Variants in SEMA3D observed in about 807,000 individuals in gnomAD.
SEMA3D encodes the protein semaphorin-3D.
SEMA3D carries 84 observed loss-of-function variants against 100.1 expected under a neutral mutation model. The ratio of observed to expected loss-of-function variants is 0.84; its 90% CI spans 0.70 to 1.01. The LOEUF (loss-of-function observed/expected upper bound fraction) is 1.01. Among genes scored for constraint, SEMA3D ranks in the 50% least tolerant of loss-of-function variants. The pLI, the probability that SEMA3D is intolerant of heterozygous loss-of-function variation, is 0.00. For synonymous variants in SEMA3D, 312 were observed against 320.7 expected (o/e 0.97, Z 0.29); for missense variants, 875 against 934.1 (o/e 0.94, Z 0.82).
intron 2 of SEMA3D, chr7:85,151,586 C>T: frequency 1.1e-6 from 1 of 910,590 alleles, no homozygotes; most frequent in Non-Finnish European, 1.3e-6. Flanking sequence ...TGTGTGTATG[C>T]ATGTGTGTAT....
intron 1 of SEMA3D, among the ~76,000 whole-genome samples, chr7:85,184,729 T>A (rs1417214196): frequency 1.3e-5 from 2 of 152,208 alleles, no homozygotes; most frequent in Non-Finnish European, 2.9e-5. Context: ...GACCCTACTC[T>A]TATCTCGTCC....
chr7:85,160,442 AAG>A (rs1391159494), intron 1 of SEMA3D, among the ~76,000 whole-genome samples: 1 of 152,188 alleles, frequency 6.6e-6, no homozygotes, highest in African/African-American at 2.4e-5. Context: ...GTCATAGTGA[AAG>A]AGAGAGAGAA....
chr7:85,149,276 C>T (rs1790298470), intron 2 of SEMA3D, among the ~76,000 whole-genome samples: 1 of 151,086 alleles, frequency 6.6e-6, no homozygotes, highest in South Asian at 2.1e-4. Flanking sequence ...GAAACCCTGC[C>T]TCCCCAAATA....
At chr7:85,108,308 C>T (rs1269510336) in intron 3 of SEMA3D, among the ~76,000 whole-genome samples, 1 of 151,970 alleles carries the variant, frequency 6.6e-6, no homozygotes, top group African/African-American at 2.4e-5. Context: ...CTTGGTTTAT[C>T]TACCTTTGAT....
At chr7:85,028,400 AAAAG>A in intron 12 of SEMA3D, 1 of 477,646 alleles carries the variant, frequency 2.1e-6, no homozygotes, top group Non-Finnish European at 3.8e-6. Context: ...AAAAAAAAAA[AAAAG>A]GTTGGAGCTG....
intron 1 of SEMA3D, among the ~76,000 whole-genome samples, chr7:85,182,631 T>A (rs1478840092): frequency 6.6e-6 from 1 of 152,196 alleles, no homozygotes; most frequent in East Asian, 1.9e-4. Flanking sequence ...ATGGCAAATG[T>A]ATAAAAATTA....
the SEMA3D span, among the ~76,000 whole-genome samples, chr7:85,240,546 G>A: frequency 1.3e-5 from 2 of 152,104 alleles, no homozygotes; most frequent in African/African-American, 4.8e-5. Flanking sequence ...ATACTTTGTA[G>A]ATTAGACTGC....
At chr7:85,065,612 C>A (rs1180962841) in intron 7 of SEMA3D, 60 bp from the exon 8 acceptor site, 1 of 1,347,518 alleles carries the variant, frequency 7.4e-7, no homozygotes, top group Non-Finnish European at 1.0e-6. Context: ...TGCTATTTAA[C>A]ATGTACAAAT....
At chr7:85,059,196 T>C (rs1791407746) in intron 8 of SEMA3D, among the ~76,000 whole-genome samples, 1 of 152,176 alleles carries the variant, frequency 6.6e-6, no homozygotes, top group African/African-American at 2.4e-5. Flanking sequence ...ATGTGTATTT[T>C]AAACATATAC....
chr7:85,105,724 C>T (rs1480333322), intron 3 of SEMA3D, among the ~76,000 whole-genome samples: 4 of 152,032 alleles, frequency 2.6e-5, no homozygotes, highest in Non-Finnish European at 4.4e-5. Flanking sequence ...TCTTGCTTTT[C>T]TGTGATGGAA....
chr7:85,235,008 T>C, the SEMA3D span, among the ~76,000 whole-genome samples: 449 of 152,254 alleles, frequency 2.9e-3, 2 homozygotes, highest in African/African-American at 0.01. Context: ...CAGTTTGCAC[T>C]GGAGCTGACA....
chr7:85,104,006 T>C (rs540389785), intron 3 of SEMA3D, among the ~76,000 whole-genome samples: 2 of 152,190 alleles, frequency 1.3e-5, no homozygotes, highest in East Asian at 3.9e-4. Context: ...TTCATTTGTC[T>C]TTATTAACAC....
intron 3 of SEMA3D, among the ~76,000 whole-genome samples, chr7:85,103,564 A>C (rs1378593874): frequency 6.6e-6 from 1 of 151,912 alleles, no homozygotes; most frequent in African/African-American, 2.4e-5. Context: ...AGCAGCACTT[A>C]CCTCTAGGTC....
At chr7:85,226,939 C>T in the SEMA3D span, among the ~76,000 whole-genome samples, 2 of 151,824 alleles carry the variant, frequency 1.3e-5, no homozygotes, top group African/African-American at 4.8e-5. Context: ...AATGAAAAGC[C>T]CTGTGGTTTC....
chr7:85,135,381 A>G (rs2116445540), intron 2 of SEMA3D, among the ~76,000 whole-genome samples: 1 of 152,112 alleles, frequency 6.6e-6, no homozygotes, highest in Non-Finnish European at 1.5e-5. Flanking sequence ...GAAGTGAGCA[A>G]ATGCTCATTT....
chr7:85,045,143 G>T (rs1312458235), intron 9 of SEMA3D, among the ~76,000 whole-genome samples: 1 of 152,080 alleles, frequency 6.6e-6, no homozygotes, highest in South Asian at 2.1e-4. Flanking sequence ...TGTAGAGATT[G>T]GTTCAGGTAA....
At chr7:85,217,040 G>T in the SEMA3D span, among the ~76,000 whole-genome samples, 24 of 152,050 alleles carry the variant, frequency 1.6e-4, no homozygotes, top group African/African-American at 5.8e-4. Flanking sequence ...ATGCAAAATA[G>T]AGCCACATGA....
At chr7:85,184,043 A>G (rs1791472361) in intron 1 of SEMA3D, among the ~76,000 whole-genome samples, 1 of 152,186 alleles carries the variant, frequency 6.6e-6, no homozygotes, top group Non-Finnish European at 1.5e-5. Flanking sequence ...AAGGAAAATG[A>G]AACCTGTAGG....
chr7:85,201,503 T>C, the SEMA3D span, among the ~76,000 whole-genome samples: 9 of 152,116 alleles, frequency 5.9e-5, no homozygotes, highest in Non-Finnish European at 1.3e-4. Flanking sequence ...CCCTACTCAT[T>C]TTGGGATGTT....
Sources: gnomAD v4.1 joint callset for allele counts (sites outside exome capture counted in the v4.1 genomes callset) on GRCh38, gnomAD v4.1.1 for gene constraint, MANE v1.5 for transcripts, NCBI Gene and HGNC (gene_info 2026-07-23, HGNC 2026-07-21) for gene names.